SCOC: variants seen among roughly 807,000 people sequenced by gnomAD.
SCOC encodes short coiled coil protein.
Under a neutral mutation model 9.9 loss-of-function variants are expected in SCOC, and 7 were observed. That is an observed-to-expected ratio of 0.71 (90% CI 0.40 to 1.33). The LOEUF (loss-of-function observed/expected upper bound fraction) is 1.33. Among genes scored for constraint, SCOC ranks in the 40% most tolerant of loss-of-function variants. SCOC has a pLI of 0.01. For missense variants in SCOC, 66 were observed against 89.7 expected, an observed-to-expected ratio of 0.74 and a Z score of 1.07; for synonymous variants, 19 against 28.2, an observed-to-expected ratio of 0.67 and a Z score of 1.03.
chr4:140,294,736 C>T (rs139610224), intron 1 of SCOC, among the ~76,000 whole-genome samples: 76 of 152,242 alleles, frequency 5.0e-4, no homozygotes, highest in African/African-American at 1.4e-3. Context: ...TAAACCGTGC[C>T]GCCCAATCCA....
chr4:140,334,597 G>A (rs942917754), intron 1 of SCOC, among the ~76,000 whole-genome samples: 3 of 151,870 alleles, frequency 2.0e-5, no homozygotes, highest in Non-Finnish European at 2.9e-5. Flanking sequence ...TGGTAAGAGC[G>A]CTTAATGTGA....
chr4:140,337,660 ATAC>A (rs1732994136), intron 1 of SCOC, among the ~76,000 whole-genome samples: 1 of 152,238 alleles, frequency 6.6e-6, no homozygotes, highest in African/African-American at 2.4e-5. Context: ...CCATCAGAGA[ATAC>A]TATAAACACC....
intron 2 of SCOC, among the ~76,000 whole-genome samples, chr4:140,356,917 T>C (rs1727254663): frequency 6.6e-6 from 1 of 152,166 alleles, no homozygotes; most frequent in African/African-American, 2.4e-5. Flanking sequence ...AGTATATCCT[T>C]AGAGAAGGAT....
At chr4:140,267,563 C>G (rs2126396413) in intron 1 of SCOC, among the ~76,000 whole-genome samples, 1 of 152,250 alleles carries the variant, frequency 6.6e-6, no homozygotes. Flanking sequence ...CGCTGACAGG[C>G]TGGATGGTGG....
intron 1 of SCOC, among the ~76,000 whole-genome samples, chr4:140,316,926 A>G (rs781642645): frequency 6.6e-6 from 1 of 152,174 alleles, no homozygotes; most frequent in Non-Finnish European, 1.5e-5. Flanking sequence ...CTCCAGGCTC[A>G]TGAGAAAATA....
At chr4:140,340,978 A>G (rs1288036378), upstream of SCOC, among the ~76,000 whole-genome samples, 1 of 150,318 alleles carries the variant, frequency 6.7e-6, no homozygotes, top group Non-Finnish European at 1.5e-5. Flanking sequence ...TTTTTTTTTT[A>G]GTAGAGACAG....
intron 1 of SCOC, among the ~76,000 whole-genome samples, chr4:140,300,579 G>A (rs1325237549): frequency 6.6e-6 from 1 of 152,200 alleles, no homozygotes; most frequent in Admixed American, 6.5e-5. Flanking sequence ...GGGCATTTGG[G>A]GTGAAGAAGG....
chr4:140,348,455 T>C (rs890843464), intron 2 of SCOC, among the ~76,000 whole-genome samples: 2 of 152,134 alleles, frequency 1.3e-5, no homozygotes, highest in Non-Finnish European at 2.9e-5. Context: ...TTCATCCATG[T>C]TGTTACAAAT....
At chr4:140,291,339 G>T in intron 1 of SCOC, 1 of 451,910 alleles carries the variant, frequency 2.2e-6, no homozygotes, top group Non-Finnish European at 4.5e-6. Context: ...ATATCCTGGA[G>T]TCCTAAAGAC....
chr4:140,332,107 C>T (rs1560704962), intron 1 of SCOC, among the ~76,000 whole-genome samples: 1 of 152,110 alleles, frequency 6.6e-6, no homozygotes, highest in African/African-American at 2.4e-5. Flanking sequence ...TGGTGCTAAA[C>T]CATTAGAAAC....
At chr4:140,268,606 G>C (rs1362121054) in intron 1 of SCOC, among the ~76,000 whole-genome samples, 1 of 152,190 alleles carries the variant, frequency 6.6e-6, no homozygotes, top group Non-Finnish European at 1.5e-5. Context: ...TTGGACTGCT[G>C]CTGAGGTCAT....
chr4:140,374,521 A>C (rs560659232), intron 1 of SCOC, among the ~76,000 whole-genome samples: 1 of 152,266 alleles, frequency 6.6e-6, no homozygotes, highest in East Asian at 1.9e-4. Flanking sequence ...CATTTGGCCA[A>C]ACAGTTCCTT....
chr4:140,258,637 G>A (rs1056668787), intron 1 of SCOC, among the ~76,000 whole-genome samples: 14 of 152,238 alleles, frequency 9.2e-5, no homozygotes, highest in African/African-American at 2.4e-4. Context: ...CTGAAGAAGC[G>A]CTTTAGATTG....
Position 140,373,661 on chromosome 4 carries a change from T to G in SCOC, c.-107T>G. The G allele has an allele frequency of 1.3e-6, 2 of 1,551,358 alleles. No homozygotes were observed. The highest frequency in any genetic ancestry group is 1.7e-6 in the Non-Finnish European group (2 of 1,146,950). On this transcript the variant is annotated 5_prime_UTR_variant, in exon 1 of 4. Transcript: ENST00000608372. ...AGCTGCCGGGGTCAGTTGGTCCAAG[T>G]GTCCCGGCCTGAGGTGTCGGCCGGA... is the stretch of plus-strand genomic sequence containing the variant.
chr4:140,266,685 C>T (rs917916609), intron 1 of SCOC, among the ~76,000 whole-genome samples: 1 of 151,964 alleles, frequency 6.6e-6, no homozygotes, highest in East Asian at 1.9e-4. Context: ...TCTAGACTGA[C>T]AAAATCAAGA....
At chr4:140,289,726 T>C (rs1050941228) in intron 1 of SCOC, among the ~76,000 whole-genome samples, 5 of 152,180 alleles carry the variant, frequency 3.3e-5, no homozygotes. Context: ...AGATCAGCCT[T>C]TTCAAGTGGA....
intron 1 of SCOC, among the ~76,000 whole-genome samples, chr4:140,281,981 C>A (rs934237178): frequency 6.6e-6 from 1 of 152,100 alleles, no homozygotes; most frequent in Non-Finnish European, 1.5e-5. Context: ...ATAAATAACA[C>A]CCTTAATCAT....
intron 2 of SCOC, chr4:140,366,756 CCT>C: frequency 1.3e-6 from 2 of 1,519,964 alleles, no homozygotes; most frequent in Non-Finnish European, 1.8e-6. Context: ...CAACCAAAGC[CCT>C]GTTTTGATCA....
chr4:140,267,353 G>A (rs186589516), intron 1 of SCOC, among the ~76,000 whole-genome samples: 44 of 152,286 alleles, frequency 2.9e-4, no homozygotes, highest in Non-Finnish European at 4.9e-4. Context: ...ACCTTTGAAC[G>A]TGAGCTAGGG....
Sources: allele counts gnomAD v4.1 joint callset (sites outside exome capture counted in the v4.1 genomes callset), GRCh38; gene constraint gnomAD v4.1.1; transcripts MANE v1.5; gene names NCBI Gene and HGNC (gene_info 2026-07-23, HGNC 2026-07-21).